The following ADAMTSL1 variants were observed in gnomAD, a reference collection of about 807,000 sequenced individuals.
The protein encoded by ADAMTSL1 is ADAMTS-like protein 1.
Under a neutral mutation model 201.8 loss-of-function variants are expected in ADAMTSL1, and 126 were observed. The observed-to-expected ratio is 0.62, with a 90% confidence interval of 0.54 to 0.72. The LOEUF is 0.72. ADAMTSL1 is among the 30% of genes least tolerant of loss of function. The pLI, the probability that ADAMTSL1 is intolerant of heterozygous loss-of-function variation, is 0.00. For missense variants in ADAMTSL1, 2,679 were observed against 2,277.8 expected, an observed-to-expected ratio of 1.18 and a Z score of -3.59; for synonymous variants, 1,121 against 903.4, an observed-to-expected ratio of 1.24 and a Z score of -4.32.
chr9:18,899,032 C>T (rs572126250), intron 26 of ADAMTSL1, among the ~76,000 whole-genome samples: 2 of 152,206 alleles, frequency 1.3e-5, no homozygotes, highest in African/African-American at 4.8e-5. Context: ...TGATATGACC[C>T]TTTATCTACA....
At chr9:18,662,159 A>C in intron 9 of ADAMTSL1, 86 bp downstream of exon 9, 1 of 1,484,822 alleles carries the variant, frequency 6.7e-7, no homozygotes, top group Non-Finnish European at 9.1e-7. Flanking sequence ...CGTTTTAATT[A>C]AAAATAAAAT....
At chr9:18,642,346 C>A (rs577669562) in intron 7 of ADAMTSL1, among the ~76,000 whole-genome samples, 19 of 152,022 alleles carry the variant, frequency 1.2e-4, no homozygotes, top group South Asian at 8.3e-4. Flanking sequence ...TCATATACAA[C>A]ATGTTTTCAA....
At chr9:18,271,062 T>C (rs1832341345) in intron 2 of ADAMTSL1, among the ~76,000 whole-genome samples, 1 of 152,212 alleles carries the variant, frequency 6.6e-6, no homozygotes, top group Admixed American at 6.5e-5. Context: ...AAGAAATGCA[T>C]GTTTATTGTT....
At chr9:18,047,272 T>C (rs1821702950) in intron 1 of ADAMTSL1, among the ~76,000 whole-genome samples, 1 of 152,146 alleles carries the variant, frequency 6.6e-6, no homozygotes. Flanking sequence ...TCTAAGGTAG[T>C]GGCTTTCAAC....
At position 18,770,768 on chromosome 9, in the gene ADAMTSL1, C is replaced by T. The variant is rs1325106914; in HGVS notation, c.2384C>T (p.Ser795Leu). The T allele has an allele frequency of 6.2e-7, 1 of 1,613,614 alleles. No individual in the cohort carries two copies. The highest frequency in any genetic ancestry group is 1.3e-5 in the African/African-American group (1 of 74,896). ...GACTGTCCCAGCGAGTGGCTTCTCT[C>T]AGACTGGACAGAGGTATGTATGTTC... ...KDDCPSEWLL[S>L]DWTECSTSCG... Residue 795 changes from serine to leucine, a missense_variant, in exon 17 of 29, where the codon TCA becomes TTA. Transcript: ENST00000380548.
intron 2 of ADAMTSL1, among the ~76,000 whole-genome samples, chr9:18,232,410 T>A (rs1238231184): frequency 1.3e-5 from 2 of 152,204 alleles, no homozygotes; most frequent in African/African-American, 2.4e-5. Context: ...GGCCTGCAAC[T>A]TCCCTTCTCC....
intron 7 of ADAMTSL1, among the ~76,000 whole-genome samples, chr9:18,640,311 C>T (rs1827360177): frequency 6.6e-6 from 1 of 152,066 alleles, no homozygotes; most frequent in Non-Finnish European, 1.5e-5. Context: ...AGGTAGCTCA[C>T]AATAGAAATG....
intron 1 of ADAMTSL1, among the ~76,000 whole-genome samples, chr9:18,029,191 A>G (rs1383565228): frequency 6.6e-6 from 1 of 152,148 alleles, no homozygotes; most frequent in Non-Finnish European, 1.5e-5. Flanking sequence ...TAGATATACA[A>G]TCATGTCATC....
At chr9:17,942,806 T>A (rs1827295414) in intron 1 of ADAMTSL1, among the ~76,000 whole-genome samples, 1 of 152,204 alleles carries the variant, frequency 6.6e-6, no homozygotes, top group Non-Finnish European at 1.5e-5. Context: ...CCTTGTAGTC[T>A]CAATAAATAT....
rs768095633 is a variant in ADAMTSL1, at chr9:18,777,150, C to G, written c.2921C>G (p.Pro974Arg). ...NRKLVARPLS[P>R]RSEEEVLAGR... Reference sequence around the variant, plus strand: ...AAGCTCGTGGCCCGGCCCTTGAGCCCGAGAAGTGAGGAAGAGGTGCTTGCG... The same window carrying G: ...AAGCTCGTGGCCCGGCCCTTGAGCCGGAGAAGTGAGGAAGAGGTGCTTGCG... The change falls in exon 19 of 29, where the codon CCG becomes CGG. Residue 974 changes from proline to arginine, a missense_variant. By Grantham distance (103) the Pro-to-Arg change is moderately radical. Transcript: ENST00000380548. 1.2e-5 allele frequency: 19 copies of G among 1,612,858 alleles called. No homozygotes were observed. Among genetic ancestry groups the G allele is most frequent in the East Asian group, 4.5e-5 (2 of 44,880 alleles).
intron 1 of ADAMTSL1, among the ~76,000 whole-genome samples, chr9:17,934,747 T>C (rs1826934175): frequency 6.6e-6 from 1 of 152,112 alleles, no homozygotes; most frequent in Non-Finnish European, 1.5e-5. Context: ...ATGTAGTTCA[T>C]GTATTCTGAC....
chr9:18,567,165 C>T (rs1821958435), intron 3 of ADAMTSL1, among the ~76,000 whole-genome samples: 1 of 152,128 alleles, frequency 6.6e-6, no homozygotes, highest in Non-Finnish European at 1.5e-5. Flanking sequence ...AAAACCACTG[C>T]TTTAAAGTTT....
chr9:17,945,718 A>C (rs914886426), intron 1 of ADAMTSL1, among the ~76,000 whole-genome samples: 26 of 151,754 alleles, frequency 1.7e-4, no homozygotes, highest in Non-Finnish European at 3.7e-4. Flanking sequence ...TCGCAAGAAC[A>C]AAAAACCAAA....
At chr9:18,371,291 A>G (rs527813970) in intron 2 of ADAMTSL1, among the ~76,000 whole-genome samples, 7 of 152,306 alleles carry the variant, frequency 4.6e-5, no homozygotes, top group African/African-American at 1.7e-4. Flanking sequence ...GCTATCATGC[A>G]TTCCATCATT....
intron 2 of ADAMTSL1, among the ~76,000 whole-genome samples, chr9:18,290,787 T>G (rs1354718586): frequency 6.2e-5 from 9 of 146,094 alleles, no homozygotes; most frequent in East Asian, 2.0e-4. Flanking sequence ...GTGTGTTTTT[T>G]TTTTTTTTTT....
chr9:18,275,231 G>A (rs533496903), intron 2 of ADAMTSL1, among the ~76,000 whole-genome samples: 4 of 152,288 alleles, frequency 2.6e-5, no homozygotes, highest in African/African-American at 9.6e-5. Flanking sequence ...AAATGAGGGT[G>A]AGAGAGAGCT....
At chr9:18,023,291 G>T (rs1189284057) in intron 1 of ADAMTSL1, among the ~76,000 whole-genome samples, 1 of 152,036 alleles carries the variant, frequency 6.6e-6, no homozygotes, top group Admixed American at 6.6e-5. Flanking sequence ...GGTCTGGGGT[G>T]GTGCTCAAGA....
chr9:18,432,889 C>A (rs1348201084), intron 2 of ADAMTSL1, among the ~76,000 whole-genome samples: 2 of 152,146 alleles, frequency 1.3e-5, no homozygotes, highest in African/African-American at 4.8e-5. Context: ...AGTGTCCCTG[C>A]CTCCTTTGTT....
intron 2 of ADAMTSL1, among the ~76,000 whole-genome samples, chr9:18,247,458 T>C (rs1055563479): frequency 3.3e-5 from 5 of 152,218 alleles, no homozygotes; most frequent in African/African-American, 1.2e-4. Context: ...AAGTTCTCTC[T>C]CTTGTGGAGT....
Sources: allele counts gnomAD v4.1 joint callset (sites outside exome capture counted in the v4.1 genomes callset), GRCh38; gene constraint gnomAD v4.1.1; transcripts MANE v1.5; gene names NCBI Gene and HGNC (gene_info 2026-07-23, HGNC 2026-07-21).